Variants in PDE10A observed in about 807,000 individuals in gnomAD.
PDE10A encodes phosphodiesterase 10A.
A neutral mutation model predicts 97.7 loss-of-function variants in PDE10A; 39 were observed. The observed-to-expected ratio is 0.40, with a 90% confidence interval of 0.31 to 0.52. The LOEUF (loss-of-function observed/expected upper bound fraction) is 0.52, where lower values mean the gene tolerates loss of function less well. PDE10A is among the 20% of genes least tolerant of loss of function. The pLI is 0.56. For missense variants in PDE10A, 731 were observed against 1,047.8 expected, an observed-to-expected ratio of 0.70 and a Z score of 4.17; for synonymous variants, 371 against 376.8, an observed-to-expected ratio of 0.98 and a Z score of 0.18.
Position 165,928,354 on chromosome 6 carries a change from C to T in PDE10A, c.-615+59175G>A, listed in dbSNP as rs186157391. Among the ~76,000 whole-genome samples the T allele has an allele frequency of 3.6e-3, 551 of 152,212 alleles. 10 individuals carry two copies. Among genetic ancestry groups the T allele is most frequent in the Non-Finnish European group, 1.7e-3 (113 of 68,010 alleles). On this transcript the variant is annotated intron_variant, in intron 1 of 19. Coordinates refer to the PDE10A transcript ENST00000366882. The stretch of plus-strand genomic sequence containing the variant: ...GAGAATAAAAGGGGGTTCGTGAAAC[C>T]CACATGAGGCCGAGGGAAGAGTCAG...
At chr6:165,674,410 A>T (rs1428150647) in intron 1 of PDE10A, among the ~76,000 whole-genome samples, 1 of 151,826 alleles carries the variant, frequency 6.6e-6, no homozygotes, top group Non-Finnish European at 1.5e-5. Context: ...CCAGCTGCCC[A>T]TGGAAGTTCC....
intron 1 of PDE10A, among the ~76,000 whole-genome samples, chr6:165,925,959 A>G (rs1443534797): frequency 6.6e-6 from 1 of 152,258 alleles, no homozygotes; most frequent in African/African-American, 2.4e-5. Context: ...GTTACACAGG[A>G]TGCTGCCATT....
At chr6:165,740,442 T>A (rs1792691963) in intron 1 of PDE10A, among the ~76,000 whole-genome samples, 1 of 152,092 alleles carries the variant, frequency 6.6e-6, no homozygotes, top group African/African-American at 2.4e-5. Flanking sequence ...GCAATTCTCC[T>A]GCCTCAGCCT....
At chr6:165,982,905 G>A (rs1184435692) in intron 1 of PDE10A, among the ~76,000 whole-genome samples, 1 of 152,134 alleles carries the variant, frequency 6.6e-6, no homozygotes, top group East Asian at 1.9e-4. Context: ...AATTGTCATT[G>A]GCATAGTCCA....
chr6:165,451,199 A>G (rs2128250245), intron 3 of PDE10A, among the ~76,000 whole-genome samples: 1 of 152,278 alleles, frequency 6.6e-6, no homozygotes, highest in Non-Finnish European at 1.5e-5. Flanking sequence ...CCACAGCAGC[A>G]GCCCCACAGC....
At chr6:165,348,541 GA>G (rs1247678838) in intron 18 of PDE10A, among the ~76,000 whole-genome samples, 2 of 152,158 alleles carry the variant, frequency 1.3e-5, no homozygotes, top group South Asian at 2.1e-4. Flanking sequence ...TTGTAGTCAG[GA>G]AAAGTGCTTT....
At chr6:165,480,557 C>A (rs2128280023) in intron 3 of PDE10A, among the ~76,000 whole-genome samples, 1 of 151,854 alleles carries the variant, frequency 6.6e-6, no homozygotes, top group South Asian at 2.1e-4. Flanking sequence ...GTACTTCAGC[C>A]TGGGTGATGA....
At chr6:165,917,320 C>T (rs1002464878) in intron 1 of PDE10A, among the ~76,000 whole-genome samples, 41 of 152,214 alleles carry the variant, frequency 2.7e-4, no homozygotes, top group African/African-American at 9.4e-4. Flanking sequence ...AAGAGCATGG[C>T]CATGGCTGAC....
intron 1 of PDE10A, among the ~76,000 whole-genome samples, chr6:165,610,973 A>G (rs757167116): frequency 6.6e-6 from 1 of 151,920 alleles, no homozygotes; most frequent in Non-Finnish European, 1.5e-5. Context: ...AAAGCCTTCC[A>G]ATCGGGAGAG....
intron 1 of PDE10A, among the ~76,000 whole-genome samples, chr6:165,921,280 C>A (rs1782745537): frequency 6.6e-6 from 1 of 152,158 alleles, no homozygotes; most frequent in Non-Finnish European, 1.5e-5. Flanking sequence ...TCTTAGATAG[C>A]CAGTTTGAAG....
chr6:165,603,915 C>T (rs1050274491), intron 1 of PDE10A, among the ~76,000 whole-genome samples: 1 of 152,188 alleles, frequency 6.6e-6, no homozygotes, highest in African/African-American at 2.4e-5. Context: ...GAACTAAAAC[C>T]ATGGGACTGA....
At chr6:165,596,962 C>T (rs1786635675) in intron 1 of PDE10A, among the ~76,000 whole-genome samples, 1 of 151,972 alleles carries the variant, frequency 6.6e-6, no homozygotes, top group Admixed American at 6.6e-5. Context: ...TTGTTACCAG[C>T]TGTCTGCCTG....
At chr6:165,722,723 C>T (rs886212197) in intron 1 of PDE10A, among the ~76,000 whole-genome samples, 1 of 151,952 alleles carries the variant, frequency 6.6e-6, no homozygotes, top group Admixed American at 6.6e-5. Context: ...TTGTGAAGTC[C>T]GGTAAAGACA....
chr6:165,901,708 A>G (rs6915447), intron 1 of PDE10A, among the ~76,000 whole-genome samples: 6,359 of 152,256 alleles, frequency 0.042, 453 homozygotes, highest in African/African-American at 0.14. Context: ...AGGCTGAGGC[A>G]GGAGAATCAC....
chr6:165,454,750 T>C (rs1166416121), intron 3 of PDE10A, among the ~76,000 whole-genome samples: 1 of 152,154 alleles, frequency 6.6e-6, no homozygotes, highest in South Asian at 2.1e-4. Flanking sequence ...AGTATTCCGG[T>C]ATAGCAACAC....
chr6:165,652,606 G>GT (rs1444523772), intron 1 of PDE10A, among the ~76,000 whole-genome samples: 1 of 152,144 alleles, frequency 6.6e-6, no homozygotes, highest in Non-Finnish European at 1.5e-5. Context: ...TTACCATGCT[G>GT]TTTTTTCCCA....
At chr6:165,641,357 T>C (rs1326725721) in intron 1 of PDE10A, among the ~76,000 whole-genome samples, 2 of 152,146 alleles carry the variant, frequency 1.3e-5, no homozygotes, top group African/African-American at 4.8e-5. Context: ...TTCTCTACTA[T>C]AAAACAATAA....
intron 1 of PDE10A, among the ~76,000 whole-genome samples, chr6:165,749,927 A>G (rs1792958557): frequency 6.6e-6 from 1 of 152,242 alleles, no homozygotes; most frequent in Non-Finnish European, 1.5e-5. Context: ...CTTTTGTGAC[A>G]AGGAAATAGA....
chr6:165,662,227 G>A lies in PDE10A; in HGVS notation c.585C>T (p.Phe195=), dbSNP rs1221735258. Reference sequence around the variant, plus strand: ...GCAAGCCCTGGAGCGCAGGCGAGAGGAAGAGCCGCCGCCGCCCGCCGCCGC... The same window carrying A: ...GCAAGCCCTGGAGCGCAGGCGAGAGAAAGAGCCGCCGCCGCCCGCCGCCGC... ...GGSGGGRRRL[F]LSPALQGLLL... The change falls in exon 1 of 22, where the codon TTC becomes TTT. Residue 195 remains phenylalanine (F), a synonymous_variant. Coordinates refer to ENST00000539869, the MANE Select transcript of PDE10A (RefSeq NM_001385079.1). 1.6e-5 allele frequency: 3 copies of A among 187,312 alleles called. No homozygotes were observed. Among genetic ancestry groups the A allele is most frequent in the Non-Finnish European group, 3.0e-5 (3 of 99,798 alleles). 11.6% of individuals were successfully genotyped at this position (187,312 alleles called of 1,614,324 possible). A position where few individuals can be genotyped will look rare whatever the true frequency, so the allele number is the denominator to read the frequency against.
Sources: gnomAD v4.1 joint callset for allele counts (sites outside exome capture counted in the v4.1 genomes callset) on GRCh38, gnomAD v4.1.1 for gene constraint, MANE v1.5 for transcripts, NCBI Gene and HGNC (gene_info 2026-07-23, HGNC 2026-07-21) for gene names.